PLK4: variants seen among roughly 807,000 people sequenced by gnomAD.
The protein encoded by PLK4 is serine/threonine-protein kinase PLK4.
A neutral mutation model predicts 103.0 loss-of-function variants in PLK4; 51 were observed. That is an observed-to-expected ratio of 0.50 (90% CI 0.40 to 0.63). The LOEUF (loss-of-function observed/expected upper bound fraction) is 0.63, where lower values mean the gene tolerates loss of function less well. PLK4 is among the 20% of genes least tolerant of loss of function. The pLI is 0.00. For synonymous variants in PLK4, 389 were observed against 376.8 expected, an observed-to-expected ratio of 1.03 and a Z score of -0.38; for missense variants, 1,054 against 1,151.0, an observed-to-expected ratio of 0.92 and a Z score of 1.22.
chr4:127,889,775 A>G, intron 6 of PLK4, 91 bp from the exon 7 acceptor site: 2 of 930,732 alleles, frequency 2.1e-6, no homozygotes, highest in Non-Finnish European at 3.2e-6. Flanking sequence ...CTTTTGTTCA[A>G]AAAATGCTAT....
At chr4:127,896,651 GTTTT>G (rs748081590) in intron 14 of PLK4, 146 bp from the exon 15 acceptor site, 265 of 423,960 alleles carry the variant, frequency 6.3e-4, no homozygotes, top group Non-Finnish European at 9.8e-4. Flanking sequence ...CACTTAGAGA[GTTTT>G]TTTTTTAACT....
chr4:127,897,932 G>A (rs1378791824), intron 15 of PLK4, among the ~76,000 whole-genome samples: 1 of 137,572 alleles, frequency 7.3e-6, no homozygotes, highest in Non-Finnish European at 1.5e-5. Flanking sequence ...TCTGCCTCCT[G>A]GGTTCAAGCA....
chr4:127,896,864 G>A lies in PLK4; in HGVS notation c.2767G>A (p.Val923Met). 2 of 1,612,558 alleles carry A rather than the reference G, an allele frequency of 1.2e-6. No homozygotes were observed. The highest frequency in any genetic ancestry group is 1.7e-6 in the Non-Finnish European group (2 of 1,178,854). Residue 923 changes from valine (V) to methionine (M), a missense_variant, in exon 15 of 16, where the codon GTG (valine) becomes ATG (methionine). Transcript: ENST00000270861. ...DGSQLVVQAG[V>M]SSISYTSPNG... ...GTCCCAGTTGGTTGTGCAGGCAGGA[G>A]TGTCTTCTATCAGTTATACCTCACC...
intron 12 of PLK4, 37 bp downstream of exon 12, chr4:127,893,641 G>A (rs1735449724): frequency 3.2e-6 from 5 of 1,581,648 alleles, no homozygotes; most frequent in African/African-American, 1.4e-5. Flanking sequence ...TGGCTAAAAT[G>A]TTTTAAAAGT....
Position 127,894,992 on chromosome 4 carries a change from T to TA in PLK4, c.2602_2603insA (p.Ser868TyrfsTer8). 1 of 1,606,380 alleles carries TA rather than the reference T, an allele frequency of 6.2e-7. No individual in the cohort carries two copies. Among genetic ancestry groups the TA allele is most frequent in the African/African-American group, 1.3e-5 (1 of 74,874 alleles). ...AGGACTTGGTCTTACAACTACAGCT[T>TA]CTGGAACAGACATCTCTTCTAATAG... On this transcript the variant is annotated frameshift_variant, in exon 14 of 16. Transcript: ENST00000270861. LOFTEE classifies it high-confidence loss of function.
At chr4:127,897,824 C>CTTTGTTTTTTTTTTT (rs1735626835) in intron 15 of PLK4, among the ~76,000 whole-genome samples, 1 of 28,802 alleles carries the variant, frequency 3.5e-5, no homozygotes, top group African/African-American at 1.8e-4. Context: ...AGAATTAGGG[C>CTTTGTTTTTTTTTTT]TTTTTTTTTT....
chr4:127,885,757 T>C lies in PLK4; in HGVS notation c.387T>C (p.Ser129=), dbSNP rs745677293. 3.0e-5 allele frequency: 49 copies of C among 1,613,212 alleles called. No homozygotes were observed. The highest frequency in any genetic ancestry group is 4.1e-5 in the Non-Finnish European group (48 of 1,179,352). Residue 129 remains serine (S), a synonymous_variant, in exon 5 of 16, where the codon TCT becomes TCC. Transcript: ENST00000270861. Reference sequence around the variant, plus strand: ...TCACAGGGATGTTGTATCTTCATTCTCATGGTATACTACACCGGGACCTCA... The same window carrying C: ...TCACAGGGATGTTGTATCTTCATTCCCATGGTATACTACACCGGGACCTCA... ...QIITGMLYLH[S]HGILHRDLTL...
At position 127,893,274 on chromosome 4, in the gene PLK4, T is replaced by C; in HGVS notation, c.2189-11T>C. 6.6e-7 allele frequency: 1 copy of C among 1,522,402 alleles called. No individual in the cohort carries two copies. The highest frequency in any genetic ancestry group is 8.9e-7 in the Non-Finnish European group (1 of 1,124,260). 94.3% of individuals were successfully genotyped at this position (1,522,402 alleles called of 1,614,324 possible). A position where few individuals can be genotyped will look rare whatever the true frequency, so the allele number is the denominator to read the frequency against. Reference sequence around the variant, plus strand: ...GGATAAGAGAACAGTTTTCTGATTTTTTTTTTTTAGGGGTAAAAATACACA... The same window carrying C: ...GGATAAGAGAACAGTTTTCTGATTTCTTTTTTTTAGGGGTAAAAATACACA... On this transcript the variant is annotated splice_polypyrimidine_tract_variant and intron_variant, in intron 10 of 15. Coordinates refer to ENST00000270861, the MANE Select transcript of PLK4 (RefSeq NM_014264.5).
Position 127,886,741 on chromosome 4 carries a change from C to G in PLK4, c.1358+13C>G. The G allele has an allele frequency of 6.5e-7, 1 of 1,537,498 alleles. No individual in the cohort carries two copies. The highest frequency in any genetic ancestry group is 1.2e-5 in the South Asian group (1 of 80,798). The stretch of plus-strand genomic sequence containing the variant: ...ACAATCAAGCACTGTAAGAATAATT[C>G]TATCAGAGGCATTTTGTTTTTTGGT... On this transcript the variant is annotated intron_variant, in intron 5 of 15. Coordinates refer to ENST00000270861, the MANE Select transcript of PLK4 (RefSeq NM_014264.5).
At chr4:127,885,227 C>T (rs962859257) in intron 4 of PLK4, among the ~76,000 whole-genome samples, 3 of 152,006 alleles carry the variant, frequency 2.0e-5, no homozygotes, top group Admixed American at 6.6e-5. Flanking sequence ...AGCCTGAAAT[C>T]CCAGCCCTTT....
In PLK4 at chr4:127,893,508, A is replaced by T; in HGVS notation, c.2323-5A>T. On this transcript the variant is annotated splice_polypyrimidine_tract_variant and splice_region_variant and intron_variant, in intron 11 of 15. Coordinates refer to ENST00000270861, the MANE Select transcript of PLK4 (RefSeq NM_014264.5). Reference sequence around the variant, plus strand: ...AATGACAGAAGCACTCTTCTTTTGAAATAGGGTCATCGTATTTGTTTAGCA... The same window carrying T: ...AATGACAGAAGCACTCTTCTTTTGATATAGGGTCATCGTATTTGTTTAGCA... 1 of 1,608,528 alleles carries T rather than the reference A, an allele frequency of 6.2e-7. No homozygotes were observed. Among genetic ancestry groups the T allele is most frequent in the Admixed American group, 1.7e-5 (1 of 59,150 alleles).
chr4:127,891,296 C>A, intron 8 of PLK4, 100 bp downstream of exon 8: 1 of 584,904 alleles, frequency 1.7e-6, no homozygotes, highest in Non-Finnish European at 2.9e-6. Flanking sequence ...TTTTTAAAAT[C>A]AGTTTGCCAG....
rs1244084952 is a variant in PLK4 at position 127,892,372 on chromosome 4, C to G, written c.2046C>G (p.Tyr682Ter). Residue 682 changes from tyrosine to a stop codon, truncating the protein, a stop_gained, in exon 10 of 16, where the codon TAC becomes TAG. Transcript: ENST00000270861. LOFTEE classifies it high-confidence loss of function. ...AGTATTTTTTTTCCTTAGAAAAATA[C>G]TGGCGAAAATATCAATATGCTTCCA... The part of the protein sequence containing the change: ...RYSFDNLPEK[Y>*]WRKYQYASRF... 6.4e-7 allele frequency: 1 copy of G among 1,558,984 alleles called. No homozygotes were observed. The highest frequency in any genetic ancestry group is 8.6e-7 in the Non-Finnish European group (1 of 1,157,782).
Position 127,895,447 on chromosome 4 carries a change from ACTTT to A in PLK4, c.2703+359_2703+362del, listed in dbSNP as rs1164252868. Reference sequence around the variant, plus strand: ...ATTTGTAATCAATATTAGTAGAGTAACTTTCTTTTTTTTTTTTTTTTTTTTTTTT... The same window carrying A: ...ATTTGTAATCAATATTAGTAGAGTAACTTTTTTTTTTTTTTTTTTTTTTTT... On this transcript the variant is annotated intron_variant, in intron 14 of 15. Transcript: ENST00000270861. Among the ~76,000 whole-genome samples the A allele has an allele frequency of 2.5e-5, 3 of 118,450 alleles. No homozygotes were observed. In the East Asian group the frequency reaches 9.5e-4, roughly 38 times the overall value. 77.7% of individuals were successfully genotyped at this position (118,450 alleles called of 152,430 possible). A position where few individuals can be genotyped will look rare whatever the true frequency, so the allele number is the denominator to read the frequency against.
chr4:127,881,372 T>C, intron 1 of PLK4: 1 of 1,432,870 alleles, frequency 7.0e-7, no homozygotes, highest in Non-Finnish European at 9.1e-7. Flanking sequence ...GCGGGACAGG[T>C]GAGTCCCTCC....
chr4:127,881,432 C>T (rs778121061), intron 1 of PLK4: 1 of 1,377,886 alleles, frequency 7.3e-7, no homozygotes. Flanking sequence ...GCAATCCCGC[C>T]CGAGCTACCG....
At position 127,891,604 on chromosome 4, in the gene PLK4, G is replaced by T. The variant is rs1735362443; in HGVS notation, c.1961G>T (p.Gly654Val). ...ATCACTATTTATTATCCAAATGGTG[G>T]TAGAGGTTTTCCTCTTGCTGATAGA... is the stretch of plus-strand genomic sequence containing the variant. The part of the protein sequence containing the change: ...NTITIYYPNG[G>V]RGFPLADRPP... The change falls in exon 9 of 16, where the codon GGT becomes GTT. Residue 654 changes from glycine (G) to valine (V), a missense_variant. Transcript: ENST00000270861. 1 of 1,545,436 alleles carries T rather than the reference G, an allele frequency of 6.5e-7. No individual in the cohort carries two copies. The highest frequency in any genetic ancestry group is 8.8e-7 in the Non-Finnish European group (1 of 1,137,046).
chr4:127,898,529 T>A lies in PLK4; in HGVS notation c.2901T>A (p.Pro967=). The A allele has an allele frequency of 6.8e-7, 1 of 1,480,934 alleles. No individual in the cohort carries two copies. The highest frequency in any genetic ancestry group is 9.4e-7 in the Non-Finnish European group (1 of 1,065,872). 91.7% of individuals were successfully genotyped at this position (1,480,934 alleles called of 1,614,324 possible). Residue 967 remains proline, a synonymous_variant, in exon 16 of 16, where the codon CCT becomes CCA. Transcript: ENST00000270861. Reference sequence around the variant, plus strand: ...TTTTGATGTTTTCTAATCCGACTCCTAATTTTCATTGATTAAAACTCCTTT... The same window carrying A: ...TTTTGATGTTTTCTAATCCGACTCCAAATTTTCATTGATTAAAACTCCTTT... The part of the protein sequence containing the change: ...SILLMFSNPT[P]NFH
chr4:127,887,384 T>A lies in PLK4; in HGVS notation c.1359-12T>A. ...TTATTAGTTTATGGGATTTTTTTGT[T>A]TGTTTGTTTAGCTCCAATCATCTTT... On this transcript the variant is annotated splice_polypyrimidine_tract_variant and intron_variant, in intron 5 of 15. Coordinates refer to ENST00000270861, the MANE Select transcript of PLK4 (RefSeq NM_014264.5). The A allele has an allele frequency of 6.5e-7, 1 of 1,527,684 alleles. No individual in the cohort carries two copies. The highest frequency in any genetic ancestry group is 9.0e-7 in the Non-Finnish European group (1 of 1,112,478). The allele number at this position is 1,527,684 out of a possible 1,614,324, so 94.6% of individuals were successfully genotyped here.
Sources: gnomAD v4.1 joint callset for allele counts (sites outside exome capture counted in the v4.1 genomes callset) on GRCh38, gnomAD v4.1.1 for gene constraint, MANE v1.5 for transcripts, NCBI Gene and HGNC (gene_info 2026-07-23, HGNC 2026-07-21) for gene names.